The following HFM1 variants were observed in gnomAD, a reference collection of about 807,000 sequenced individuals.
The protein encoded by HFM1 is probable ATP-dependent DNA helicase HFM1.
In HFM1, 169 loss-of-function variants were observed where a neutral mutation model predicts 192.1. The ratio of observed to expected loss-of-function variants is 0.88; its 90% CI spans 0.78 to 1.00. HFM1 has a LOEUF of 1.00. Among genes scored for constraint, HFM1 ranks in the 50% least tolerant of loss-of-function variants. The pLI is 0.00. For synonymous variants in HFM1, 525 were observed against 537.8 expected, an observed-to-expected ratio of 0.98 and a Z score of 0.33; for missense variants, 1,661 against 1,668.0, an observed-to-expected ratio of 1.00 and a Z score of 0.07.
chr1:91,269,244 T>TTTC (rs1666052742), intron 34 of HFM1, among the ~76,000 whole-genome samples: 1 of 152,062 alleles, frequency 6.6e-6, no homozygotes, highest in South Asian at 2.1e-4. Context: ...TAATATAGTA[T>TTTC]TTCTACCATA....
At chr1:91,286,821 A>T (rs2100870522) in intron 30 of HFM1, among the ~76,000 whole-genome samples, 1 of 152,346 alleles carries the variant, frequency 6.6e-6, no homozygotes, top group Admixed American at 6.5e-5. Context: ...CGCCAGCCGA[A>T]GCAAGGCGAG....
At chr1:91,391,550 T>A (rs1356706255) in intron 4 of HFM1, among the ~76,000 whole-genome samples, 1 of 152,226 alleles carries the variant, frequency 6.6e-6, no homozygotes, top group East Asian at 1.9e-4. Flanking sequence ...GCTAGCCATA[T>A]GTAGAAAGCT....
At chr1:91,367,243 A>C (rs1659470619) in intron 13 of HFM1, among the ~76,000 whole-genome samples, 1 of 152,220 alleles carries the variant, frequency 6.6e-6, no homozygotes, top group Admixed American at 6.5e-5. Flanking sequence ...CCTGTCTGAC[A>C]CATTGGAAGA....
chr1:91,303,898 T>A (rs1649213393), intron 30 of HFM1, among the ~76,000 whole-genome samples: 1 of 152,184 alleles, frequency 6.6e-6, no homozygotes, highest in South Asian at 2.1e-4. Flanking sequence ...CAGGTTGGAG[T>A]GCAGTGGCAT....
Position 91,327,245 on chromosome 1 carries a change from A to G in HFM1, c.2336-2479T>C, listed in dbSNP as rs548408711. Among the ~76,000 whole-genome samples, 10 of 152,324 alleles carry G rather than the reference A, an allele frequency of 6.6e-5. No homozygotes were observed. The South Asian group carries it at 2.1e-3, about 32-fold the overall frequency. On this transcript the variant is annotated intron_variant, in intron 20 of 38. Coordinates refer to ENST00000370425, the MANE Select transcript of HFM1 (RefSeq NM_001017975.6). ...AATACATAGACTGAGGCTGGGCACA[A>G]TGGGTCATGCCTATAATCCCAGCAA...
At position 91,292,091 on chromosome 1, in the gene HFM1, A is replaced by T. The variant is rs1207167076; in HGVS notation, c.3392-15029T>A. Among the ~76,000 whole-genome samples, 34 of 151,930 alleles carry T rather than the reference A, an allele frequency of 2.2e-4. No homozygotes were observed. In the East Asian group the frequency reaches 3.3e-3, roughly 15 times the overall value. ...CTATCTATGACAAACCCACAGCCAA[A>T]ATCATACTGAATGGACAAAAACTGG... On this transcript the variant is annotated intron_variant, in intron 30 of 38. Coordinates refer to ENST00000370425, the MANE Select transcript of HFM1 (RefSeq NM_001017975.6).
Position 91,396,365 on chromosome 1 carries a change from G to C in HFM1, c.112C>G (p.Pro38Ala), listed in dbSNP as rs1320618745. 6.2e-7 allele frequency: 1 copy of C among 1,603,990 alleles called. No homozygotes were observed. Among genetic ancestry groups the C allele is most frequent in the Non-Finnish European group, 8.5e-7 (1 of 1,174,126 alleles). Reference protein sequence around the residue: ...NEKSLDWFLPPAPLISEIPDT... With the variant: ...NEKSLDWFLPAAPLISEIPDT... ...GGAATTTCTGAAATCAATGGAGCAG[G>C]AGGGAGAAACCAATCCAATGACTTT... Residue 38 changes from proline to alanine, a missense_variant, in exon 3 of 39, where the codon CCT becomes GCT. Coordinates refer to ENST00000370425, the MANE Select transcript of HFM1 (RefSeq NM_001017975.6).
intron 4 of HFM1, among the ~76,000 whole-genome samples, chr1:91,388,309 T>C (rs1311266987): frequency 6.6e-6 from 1 of 152,310 alleles, no homozygotes; most frequent in East Asian, 1.9e-4. Flanking sequence ...GAATTCAAAG[T>C]GAGGTCAGTC....
intron 13 of HFM1, among the ~76,000 whole-genome samples, chr1:91,367,837 G>T (rs1008178070): frequency 6.6e-6 from 1 of 152,032 alleles, no homozygotes; most frequent in African/African-American, 2.4e-5. Context: ...CCATGGCAAA[G>T]AAGTTAAAAA....
intron 13 of HFM1, among the ~76,000 whole-genome samples, chr1:91,364,632 A>ATTTTTTTTTTTT (rs61550398): frequency 3.0e-5 from 2 of 66,816 alleles, no homozygotes; most frequent in African/African-American, 1.3e-4. Context: ...ATATATATAT[A>ATTTTTTTTTTTT]TTTTTTTTTT....
chr1:91,286,932 C>T (rs894378044), intron 30 of HFM1, among the ~76,000 whole-genome samples: 2 of 152,226 alleles, frequency 1.3e-5, no homozygotes, highest in Admixed American at 1.3e-4. Context: ...CACTCCCACC[C>T]GAATACTGCG....
At chr1:91,387,122 T>C (rs958112077) in intron 4 of HFM1, among the ~76,000 whole-genome samples, 2 of 152,210 alleles carry the variant, frequency 1.3e-5, no homozygotes, top group East Asian at 3.8e-4. Flanking sequence ...ATTCACATCT[T>C]ATAGAATAAG....
At chr1:91,344,893 T>C (rs545128201) in intron 19 of HFM1, among the ~76,000 whole-genome samples, 70 of 151,868 alleles carry the variant, frequency 4.6e-4, no homozygotes, top group African/African-American at 1.6e-3. Context: ...ACTACAGGCA[T>C]GTACCACCAC....
intron 20 of HFM1, chr1:91,329,626 G>C: frequency 1.3e-6 from 1 of 795,326 alleles, no homozygotes; most frequent in Non-Finnish European, 2.0e-6. Flanking sequence ...GCATTCTAAG[G>C]TTTTTCTAGC....
intron 30 of HFM1, among the ~76,000 whole-genome samples, chr1:91,296,228 A>T (rs1647549761): frequency 6.6e-6 from 1 of 151,994 alleles, no homozygotes; most frequent in Non-Finnish European, 1.5e-5. Context: ...CTGACATACA[A>T]TTTTTTCCAT....
chr1:91,357,232 C>T (rs1657867794), intron 13 of HFM1, among the ~76,000 whole-genome samples: 1 of 152,122 alleles, frequency 6.6e-6, no homozygotes, highest in African/African-American at 2.4e-5. Context: ...TTCAACAACA[C>T]ATCAAAAAGG....
intron 2 of HFM1, among the ~76,000 whole-genome samples, chr1:91,397,555 C>A (rs1321685735): frequency 6.6e-6 from 1 of 152,180 alleles, no homozygotes; most frequent in East Asian, 1.9e-4. Flanking sequence ...TCTCTCCGAG[C>A]ACCTAGCACA....
At chr1:91,336,250 CCCTT>C (rs1232402072) in intron 20 of HFM1, among the ~76,000 whole-genome samples, 1 of 148,028 alleles carries the variant, frequency 6.8e-6, no homozygotes, top group Non-Finnish European at 1.5e-5. Context: ...CTTCCTTCCT[CCCTT>C]CCTTCCAGAG....
intron 30 of HFM1, among the ~76,000 whole-genome samples, chr1:91,297,444 T>C (rs1023145638): frequency 6.6e-6 from 1 of 152,226 alleles, no homozygotes; most frequent in African/African-American, 2.4e-5. Context: ...AAGAGAGTAG[T>C]GGTTCTCCCA....
Sources: gnomAD v4.1 joint callset for allele counts (sites outside exome capture counted in the v4.1 genomes callset) on GRCh38, gnomAD v4.1.1 for gene constraint, MANE v1.5 for transcripts, NCBI Gene and HGNC (gene_info 2026-07-23, HGNC 2026-07-21) for gene names.